The following ANAPC7 variants were observed in gnomAD, a reference collection of about 807,000 sequenced individuals.
ANAPC7 encodes the protein anaphase promoting complex subunit 7, also known as anaphase-promoting complex subunit 7.
Under a neutral mutation model 63.3 loss-of-function variants are expected in ANAPC7, and 25 were observed. The observed-to-expected ratio is 0.39, with a 90% CI of 0.29 to 0.55. The LOEUF (loss-of-function observed/expected upper bound fraction) is 0.55. ANAPC7 is among the 20% of genes least tolerant of loss of function. The pLI is 0.57. For missense variants in ANAPC7, 516 were observed against 691.7 expected (o/e 0.75, Z 2.85); for synonymous variants, 241 against 251.7 (o/e 0.96, Z 0.40).
At position 110,377,363 on chromosome 12, in the gene ANAPC7, T is replaced by A. The variant is rs1018209818; in HGVS notation, c.1357+30A>T. 8.8e-6 allele frequency: 14 copies of A among 1,586,408 alleles called. No individual in the cohort carries two copies. The African/African-American group carries it at 1.4e-4, about 15-fold the overall frequency. On this transcript the variant is annotated intron_variant, in intron 9 of 10. Coordinates refer to ENST00000455511, the MANE Select transcript of ANAPC7 (RefSeq NM_016238.3). ...GGTCAGGTTTTATAAAAATTAATGA[T>A]GAACAGGACAGAAAATAAGACACAC...
At chr12:110,375,402 A>G in intron 10 of ANAPC7, 1 of 984,598 alleles carries the variant, frequency 1.0e-6, no homozygotes, top group Non-Finnish European at 1.2e-6. Flanking sequence ...ATGTGATCAG[A>G]CTCTATTAAA....
chr12:110,401,521 C>T (rs1592934920), intron 1 of ANAPC7, among the ~76,000 whole-genome samples: 1 of 152,090 alleles, frequency 6.6e-6, no homozygotes. Flanking sequence ...GAGGAGGCAA[C>T]GCTGAGATGA....
At chr12:110,397,126 C>T (rs1362282316) in intron 1 of ANAPC7, among the ~76,000 whole-genome samples, 1 of 151,486 alleles carries the variant, frequency 6.6e-6, no homozygotes, top group Non-Finnish European at 1.5e-5. Context: ...CTGGCATGAA[C>T]CCAGGAGGCC....
At chr12:110,403,331 G>A (rs763476213) in intron 1 of ANAPC7, among the ~76,000 whole-genome samples, 196 bp downstream of exon 1, 1 of 152,060 alleles carries the variant, frequency 6.6e-6, no homozygotes, top group African/African-American at 2.4e-5. Context: ...ATCCCCGCGG[G>A]ACTTGACGCC....
intron 8 of ANAPC7, among the ~76,000 whole-genome samples, chr12:110,380,770 C>T (rs189072819): frequency 1.1e-4 from 16 of 150,894 alleles, no homozygotes; most frequent in East Asian, 9.8e-4. Flanking sequence ...CTGGCTAGCA[C>T]GGTGAAACAC....
In ANAPC7 at chr12:110,381,874, T is replaced by C. The variant is rs760339465; in HGVS notation, c.1010A>G (p.Asn337Ser). 1.2e-6 allele frequency: 2 copies of C among 1,612,760 alleles called. No homozygotes were observed. The highest frequency in any genetic ancestry group is 1.7e-6 in the Non-Finnish European group (2 of 1,179,840). The part of the protein sequence containing the change: ...LGAKAIQLNS[N>S]SVQALLLKGA... The stretch of plus-strand genomic sequence containing the variant: ...CTTAAGTAGCAGAGCTTGAACACTA[T>C]TACTGTTCAGCTGAATGGCCTTGGC... Residue 337 changes from asparagine (N) to serine (S), a missense_variant, in exon 8 of 11, where the codon AAT (asparagine) becomes AGT (serine). Asn to Ser is a conservative substitution (Grantham distance 46). This residue lies in a region of ANAPC7 where 199 missense variants were observed against 249.3 expected (regional missense o/e 0.80). Coordinates refer to ENST00000455511, the MANE Select transcript of ANAPC7 (RefSeq NM_016238.3).
In ANAPC7 at chr12:110,386,539, G is replaced by A. The variant is rs1592909394; in HGVS notation, c.675-70C>T. ...ATCCTCTTAGTTGCTGAATCTGGAT[G>A]ATTGGTCATACAGATACTATTTTCT... is the stretch of plus-strand genomic sequence containing the variant. On this transcript the variant is annotated intron_variant, in intron 5 of 10. Coordinates refer to ENST00000455511, the MANE Select transcript of ANAPC7 (RefSeq NM_016238.3). The A allele has an allele frequency of 3.0e-6, 4 of 1,339,242 alleles. No homozygotes were observed. The South Asian group carries it at 3.9e-5, about 13-fold the overall frequency. 83.0% of individuals were successfully genotyped at this position (1,339,242 alleles called of 1,614,324 possible).
chr12:110,386,543 G>T, intron 5 of ANAPC7, 74 bp from the exon 6 acceptor site: 2 of 1,255,120 alleles, frequency 1.6e-6, no homozygotes, highest in Non-Finnish European at 2.2e-6. Flanking sequence ...CTGGATGATT[G>T]GTCATACAGA....
chr12:110,381,633 C>G, intron 8 of ANAPC7, 119 bp downstream of exon 8: 1 of 1,051,630 alleles, frequency 9.5e-7, no homozygotes, highest in East Asian at 2.6e-5. Context: ...CCACGTCCGG[C>G]CAGCTTCCCC....
intron 3 of ANAPC7, among the ~76,000 whole-genome samples, chr12:110,390,984 G>A (rs1227951013): frequency 6.6e-6 from 1 of 152,180 alleles, no homozygotes; most frequent in Non-Finnish European, 1.5e-5. Flanking sequence ...GAGGTCAGGA[G>A]ATCGAGACCA....
intron 2 of ANAPC7, among the ~76,000 whole-genome samples, chr12:110,395,697 C>CA (rs1883513276): frequency 6.6e-6 from 1 of 151,982 alleles, no homozygotes; most frequent in African/African-American, 2.4e-5. Context: ...CACCACCATG[C>CA]CTGGCTAATT....
chr12:110,375,906 AAGT>A (rs1230629545), intron 10 of ANAPC7, 157 bp downstream of exon 10: 11 of 1,308,508 alleles, frequency 8.4e-6, no homozygotes, highest in Non-Finnish European at 9.7e-6. Flanking sequence ...AAATTTTTAG[AAGT>A]CATGAATTCA....
At chr12:110,389,679 C>G (rs1266166271) in intron 3 of ANAPC7, among the ~76,000 whole-genome samples, 1 of 152,110 alleles carries the variant, frequency 6.6e-6, no homozygotes, top group East Asian at 1.9e-4. Context: ...TGCCTGTAAT[C>G]CCAGCACTTT....
chr12:110,387,911 GAAGA>G lies in ANAPC7; in HGVS notation c.521-23_521-20del, dbSNP rs764442525. 50 of 1,610,912 alleles carry G rather than the reference GAAGA, an allele frequency of 3.1e-5. No homozygotes were observed. Among genetic ancestry groups the G allele is most frequent in the Non-Finnish European group, 4.1e-5 (48 of 1,177,760 alleles). ...AACAAGCCTAAACCAACAGAAAGCA[GAAGA>G]AAGAAAGTAAGGCACGATATCTCTC... On this transcript the variant is annotated intron_variant, in intron 4 of 10. Coordinates refer to ENST00000455511, the MANE Select transcript of ANAPC7 (RefSeq NM_016238.3).
intron 3 of ANAPC7, among the ~76,000 whole-genome samples, chr12:110,394,174 TCAAAACAAAAAAAA>T (rs1432203264): frequency 6.7e-6 from 1 of 149,682 alleles, no homozygotes; most frequent in East Asian, 2.0e-4. Context: ...AGACTCTGTC[TCAAAACAAAAAAAA>T]CAAAACAAAA....
rs768758481 is a variant in ANAPC7 at position 110,377,517 on chromosome 12, G to A, written c.1233C>T (p.Thr411=). 6.2e-7 allele frequency: 1 copy of A among 1,614,154 alleles called. No homozygotes were observed. The highest frequency in any genetic ancestry group is 1.1e-5 in the South Asian group (1 of 91,072). ...KTLGANAQTL[T]LLATVCLEDP... is the part of the protein sequence containing the mutation. ...CTTCAAGACAAACGGTGGCTAAAAG[G>A]GTAAGGGTCTGTGCATTTGCTCCCA... The change falls in exon 9 of 11, where the codon ACC becomes ACT. Residue 411 remains threonine (T), a synonymous_variant. Coordinates refer to ENST00000455511, the MANE Select transcript of ANAPC7 (RefSeq NM_016238.3).
At chr12:110,389,804 C>T (rs1253113630) in intron 3 of ANAPC7, among the ~76,000 whole-genome samples, 1 of 151,466 alleles carries the variant, frequency 6.6e-6, no homozygotes, top group African/African-American at 2.4e-5. Flanking sequence ...TGGTGGCGGG[C>T]GCCTGTAGTC....
At chr12:110,402,416 G>A (rs1592936450) in intron 1 of ANAPC7, among the ~76,000 whole-genome samples, 1 of 151,160 alleles carries the variant, frequency 6.6e-6, no homozygotes, top group Non-Finnish European at 1.5e-5. Context: ...TGCAAGCTCC[G>A]CCTCCCGGGT....
chr12:110,382,492 A>G (rs1162039954), intron 7 of ANAPC7, among the ~76,000 whole-genome samples: 3 of 133,018 alleles, frequency 2.3e-5, no homozygotes, highest in Middle Eastern at 3.8e-3. Context: ...ATATATATAT[A>G]TATTTATAGA....
Sources: allele counts gnomAD v4.1 joint callset (sites outside exome capture counted in the v4.1 genomes callset), GRCh38; gene constraint gnomAD v4.1.1; regional missense constraint gnomAD v4.1.1; transcripts MANE v1.5; gene names NCBI Gene and HGNC (gene_info 2026-07-23, HGNC 2026-07-21).